GLG1: variants seen among roughly 807,000 people sequenced by gnomAD.
GLG1 encodes Golgi apparatus protein 1.
In GLG1, 38 loss-of-function variants were observed where a neutral mutation model predicts 160.5. That is an observed-to-expected ratio of 0.24 (90% confidence interval 0.18 to 0.31). GLG1 has a LOEUF of 0.31. GLG1 is among the 10% of genes least tolerant of loss of function. GLG1 has a pLI of 1.00. For synonymous variants in GLG1, 644 were observed against 543.4 expected, an observed-to-expected ratio of 1.19 and a Z score of -2.57; for missense variants, 1,373 against 1,505.2, an observed-to-expected ratio of 0.91 and a Z score of 1.45.
chr16:74,452,232 T>G lies in GLG1; in HGVS notation c.*935A>C. 2 of 1,542,370 alleles carry G rather than the reference T, an allele frequency of 1.3e-6. No homozygotes were observed. The highest frequency in any genetic ancestry group is 8.7e-7 in the Non-Finnish European group (1 of 1,144,824). On this transcript the variant is annotated 3_prime_UTR_variant, in exon 26 of 26. Coordinates refer to ENST00000422840, the MANE Select transcript of GLG1 (RefSeq NM_001145667.2). ...GGACCCCTCCCGCCACAGTCCTGCC[T>G]CCTGATGAAGCGCAGAGCTTCCAGA...
chr16:74,600,743 A>AAC (rs1399882754), intron 1 of GLG1, among the ~76,000 whole-genome samples: 2 of 137,060 alleles, frequency 1.5e-5, no homozygotes, highest in Non-Finnish European at 3.3e-5. Context: ...AAAAAAAAAA[A>AAC]AAAAAAAAAA....
chr16:74,560,210 T>C (rs1051871920), intron 1 of GLG1, among the ~76,000 whole-genome samples: 1 of 152,120 alleles, frequency 6.6e-6, no homozygotes, highest in East Asian at 1.9e-4. Flanking sequence ...GTGGGTCCCA[T>C]TCCATCAGTT....
intron 11 of GLG1, among the ~76,000 whole-genome samples, chr16:74,478,359 T>C (rs1225818084): frequency 6.6e-6 from 1 of 152,096 alleles, no homozygotes; most frequent in Non-Finnish European, 1.5e-5. Context: ...AGATGAGCTA[T>C]GAAGAATTAG....
intron 10 of GLG1, among the ~76,000 whole-genome samples, chr16:74,480,606 G>A (rs974649110): frequency 4.0e-5 from 6 of 151,876 alleles, no homozygotes; most frequent in Non-Finnish European, 7.4e-5. Flanking sequence ...ACCCAGGCTG[G>A]AGTGCAGTGG....
chr16:74,513,363 C>T lies in GLG1; in HGVS notation c.472-4438G>A, dbSNP rs1437284157. ...TCAAGCTCCTTGAAAATATAGTCAG[C>T]CTACTGGGAGACACCTCCCAGTAGG... On this transcript the variant is annotated intron_variant, in intron 2 of 25. Transcript: ENST00000422840. 3.3e-5 allele frequency among the ~76,000 whole-genome samples: 5 copies of T among 152,006 alleles called. No homozygotes were observed. The South Asian group carries it at 8.3e-4, about 25-fold the overall frequency.
intron 1 of GLG1, among the ~76,000 whole-genome samples, chr16:74,559,358 C>G (rs184566036): frequency 1.3e-5 from 2 of 151,056 alleles, no homozygotes; most frequent in African/African-American, 2.4e-5. Flanking sequence ...GCAGGAGGAT[C>G]GTTTGAGCCC....
intron 1 of GLG1, among the ~76,000 whole-genome samples, chr16:74,601,707 A>G (rs1958444226): frequency 6.6e-6 from 1 of 152,204 alleles, no homozygotes; most frequent in South Asian, 2.1e-4. Context: ...GCGTTGGGTG[A>G]TAACGCATTT....
intron 2 of GLG1, among the ~76,000 whole-genome samples, chr16:74,522,206 T>C (rs2017186366): frequency 6.6e-6 from 1 of 152,258 alleles, no homozygotes; most frequent in South Asian, 2.1e-4. Context: ...GCTAACCTTT[T>C]ACTCATAGGG....
chr16:74,587,570 C>T (rs1003308145), intron 1 of GLG1, among the ~76,000 whole-genome samples: 2 of 152,092 alleles, frequency 1.3e-5, no homozygotes, highest in African/African-American at 4.8e-5. Context: ...CACATGAGGA[C>T]CTCAAACAGC....
intron 1 of GLG1, among the ~76,000 whole-genome samples, chr16:74,559,236 T>C (rs2018438432): frequency 6.6e-6 from 1 of 151,746 alleles, no homozygotes. Flanking sequence ...ACTTTTACTA[T>C]CAGAAGTAAT....
At chr16:74,457,847 G>A in intron 24 of GLG1, 27 bp downstream of exon 24, 1 of 1,610,700 alleles carries the variant, frequency 6.2e-7, no homozygotes, top group East Asian at 2.2e-5. Context: ...AGTTCAGACA[G>A]GATCAAGAGT....
At chr16:74,591,998 C>T (rs79626745) in intron 1 of GLG1, among the ~76,000 whole-genome samples, 8 of 152,122 alleles carry the variant, frequency 5.3e-5, no homozygotes, top group African/African-American at 1.9e-4. Flanking sequence ...CATTTAAATA[C>T]CATGCATATA....
In GLG1 at chr16:74,465,754, T is replaced by C; in HGVS notation, c.2589A>G (p.Val863=). ...TCATCTCTGTCTCCTGCAGCTTAAA[T>C]ACTTTTTGGTGGCAGCGGGTGCTTA... ...KQLSTRCHQK[V]FKLQETEMMD... Residue 863 remains valine (V), a synonymous_variant, in exon 19 of 26, where the codon GTA becomes GTG. Coordinates refer to ENST00000422840, the MANE Select transcript of GLG1 (RefSeq NM_001145667.2). 2 of 1,613,544 alleles carry C rather than the reference T, an allele frequency of 1.2e-6. No individual in the cohort carries two copies. Among genetic ancestry groups the C allele is most frequent in the Non-Finnish European group, 1.7e-6 (2 of 1,179,438 alleles).
chr16:74,462,693 T>A lies in GLG1; in HGVS notation c.2792-63A>T, dbSNP rs2014850127. Reference sequence around the variant, plus strand: ...CACCTGATTCACACATTTTTAGATATCCACCTTCCTAAAGGGAGCATATTA... The same window carrying A: ...CACCTGATTCACACATTTTTAGATAACCACCTTCCTAAAGGGAGCATATTA... On this transcript the variant is annotated intron_variant, in intron 20 of 25. Transcript: ENST00000422840. The A allele has an allele frequency of 2.0e-6, 3 of 1,474,500 alleles. No individual in the cohort carries two copies. In the South Asian group the frequency reaches 3.4e-5, roughly 17 times the overall value. The allele number at this position is 1,474,500 out of a possible 1,614,324, so 91.3% of individuals were successfully genotyped here. A position where few individuals can be genotyped will look rare whatever the true frequency, so the allele number is the denominator to read the frequency against.
intron 10 of GLG1, 42 bp from the exon 11 acceptor site, chr16:74,480,436 C>T (rs1273246825): frequency 2.7e-6 from 4 of 1,468,700 alleles, no homozygotes; most frequent in Non-Finnish European, 3.8e-6. Context: ...AATTAATAGA[C>T]ATTTCCTTCT....
At chr16:74,472,071 A>AT (rs1212702953) in intron 14 of GLG1, among the ~76,000 whole-genome samples, 4 of 151,812 alleles carry the variant, frequency 2.6e-5, no homozygotes, top group Non-Finnish European at 5.9e-5. Flanking sequence ...CGCCCAGCTA[A>AT]TTTTTTCTAT....
intron 3 of GLG1, 42 bp downstream of exon 3, chr16:74,508,797 C>A: frequency 1.2e-6 from 1 of 827,042 alleles, no homozygotes. Flanking sequence ...TAATTTTCTC[C>A]TCTAAGCCAT....
chr16:74,462,328 A>C, intron 21 of GLG1, 133 bp from the exon 22 acceptor site: 1 of 826,008 alleles, frequency 1.2e-6, no homozygotes, highest in Non-Finnish European at 2.0e-6. Flanking sequence ...AAGAAAAAAC[A>C]AAATGCCTGC....
intron 1 of GLG1, among the ~76,000 whole-genome samples, chr16:74,581,890 C>G (rs1319859543): frequency 6.6e-6 from 1 of 152,088 alleles, no homozygotes; most frequent in Non-Finnish European, 1.5e-5. Context: ...CCAGCCCAGG[C>G]GACGGTGAGA....
Sources: gnomAD v4.1 joint callset for allele counts (sites outside exome capture counted in the v4.1 genomes callset) on GRCh38, gnomAD v4.1.1 for gene constraint, MANE v1.5 for transcripts, NCBI Gene and HGNC (gene_info 2026-07-23, HGNC 2026-07-21) for gene names.